Variants in SRCIN1 observed in about 807,000 individuals in gnomAD.
The protein encoded by SRCIN1 is SRC kinase signaling inhibitor 1.
SRCIN1 carries 50 observed loss-of-function variants against 116.2 expected under a neutral mutation model. The ratio of observed to expected loss-of-function variants is 0.43; its 90% CI spans 0.34 to 0.54. SRCIN1 has a LOEUF of 0.54. Ranked by LOEUF, SRCIN1 falls within the 20% of genes least tolerant of loss-of-function variation. The pLI is 0.02. For synonymous variants in SRCIN1, 736 were observed against 750.0 expected, an observed-to-expected ratio of 0.98 and a Z score of 0.30; for missense variants, 1,446 against 1,672.0, an observed-to-expected ratio of 0.86 and a Z score of 2.36.
At chr17:38,586,526 C>T (rs532171588) in intron 1 of SRCIN1, among the ~76,000 whole-genome samples, 4 of 151,700 alleles carry the variant, frequency 2.6e-5, no homozygotes, top group African/African-American at 7.2e-5. Context: ...TGAGTCACCA[C>T]ATGGACTCCC....
intron 4 of SRCIN1, 114 bp downstream of exon 4, chr17:38,564,002 AAG>A (rs1401239536): frequency 2.5e-6 from 3 of 1,212,574 alleles, no homozygotes; most frequent in Non-Finnish European, 2.3e-6. Flanking sequence ...GGCTGTGGGA[AAG>A]AGAGCAGAGC....
At position 38,549,146 on chromosome 17, in the gene SRCIN1, G is replaced by T. The variant is rs1205768991; in HGVS notation, c.3027C>A (p.Pro1009=). The stretch of plus-strand genomic sequence containing the variant: ...CATGGGAGGAGGGGAAGCTCCGGCG[G>T]GGAGGGGGCGGTGGGGGCGACTTGG... ...KPSKSPPPPP[P]RRSFPSSHGL... The change falls in exon 16 of 19, where the codon CCC becomes CCA. Residue 1009 remains proline (P), a synonymous_variant. Coordinates refer to ENST00000617146, the MANE Select transcript of SRCIN1 (RefSeq NM_025248.3). The T allele has an allele frequency of 6.3e-7, 1 of 1,598,162 alleles. No homozygotes were observed. Among genetic ancestry groups the T allele is most frequent in the Non-Finnish European group, 8.5e-7 (1 of 1,173,176 alleles).
rs965414116 is a variant in SRCIN1 at position 38,604,653 on chromosome 17, C to T, written c.22+1031G>A. 5 of 401,472 alleles carry T rather than the reference C, an allele frequency of 1.2e-5. No individual in the cohort carries two copies. Among genetic ancestry groups the T allele is most frequent in the Admixed American group, 2.8e-5 (1 of 36,272 alleles). 24.9% of individuals were successfully genotyped at this position (401,472 alleles called of 1,614,324 possible). Reference sequence around the variant, plus strand: ...GCACCAGCAGCCGCACACGCCCCGCCGGGCCCTGACAGCTGAGCTGCGGAG... The same window carrying T: ...GCACCAGCAGCCGCACACGCCCCGCTGGGCCCTGACAGCTGAGCTGCGGAG... On this transcript the variant is annotated intron_variant, in intron 1 of 18. Coordinates refer to ENST00000617146, the MANE Select transcript of SRCIN1 (RefSeq NM_025248.3). The surrounding 1 kb of genome is among the most constrained non-coding windows in gnomAD (Gnocchi z 4.3).
intron 1 of SRCIN1, among the ~76,000 whole-genome samples, chr17:38,584,473 G>A (rs1908003339): frequency 6.6e-6 from 1 of 152,246 alleles, no homozygotes; most frequent in South Asian, 2.1e-4. Flanking sequence ...TGCCCCGCCT[G>A]GGAAACGCGG....
At chr17:38,579,376 G>A (rs1907643125) in intron 1 of SRCIN1, among the ~76,000 whole-genome samples, 1 of 152,174 alleles carries the variant, frequency 6.6e-6, no homozygotes, top group Non-Finnish European at 1.5e-5. Flanking sequence ...GAGAATGAGG[G>A]CAAAAATCGC....
In SRCIN1 at chr17:38,562,344, C is replaced by A; in HGVS notation, c.835-16G>T. On this transcript the variant is annotated splice_polypyrimidine_tract_variant and intron_variant, in intron 6 of 18. Transcript: ENST00000617146. This position sits in a 1 kb window ranked among gnomAD's most constrained non-coding sequence, Gnocchi z 4.2. Reference sequence around the variant, plus strand: ...CCATCTCTCTCTGCGCAGAAGACAGCCCGGAACCCCACGGGGCTGGTCACC... The same window carrying A: ...CCATCTCTCTCTGCGCAGAAGACAGACCGGAACCCCACGGGGCTGGTCACC... 7.0e-7 allele frequency: 1 copy of A among 1,426,282 alleles called. No individual in the cohort carries two copies. Among genetic ancestry groups the A allele is most frequent in the Non-Finnish European group, 9.1e-7 (1 of 1,104,582 alleles). 88.4% of individuals were successfully genotyped at this position (1,426,282 alleles called of 1,614,324 possible). A position where few individuals can be genotyped will look rare whatever the true frequency, so the allele number is the denominator to read the frequency against.
intron 14 of SRCIN1, 38 bp downstream of exon 14, chr17:38,551,848 T>G: frequency 6.2e-7 from 1 of 1,611,560 alleles, no homozygotes; most frequent in African/African-American, 1.3e-5. Context: ...TGTGTGAACC[T>G]GGCTCATGGC....
At chr17:38,589,163 G>A (rs1188175450) in intron 1 of SRCIN1, among the ~76,000 whole-genome samples, 1 of 152,178 alleles carries the variant, frequency 6.6e-6, no homozygotes, top group Non-Finnish European at 1.5e-5. Flanking sequence ...TGATCCACCT[G>A]CCTCGGCCTC....
chr17:38,564,427 C>T (rs1906545084), intron 3 of SRCIN1, 114 bp from the exon 4 acceptor site: 4 of 1,088,592 alleles, frequency 3.7e-6, no homozygotes, highest in Non-Finnish European at 2.6e-6. Context: ...GACACCCACA[C>T]AGATTACAGA....
At chr17:38,559,384 T>C (rs1906044309) in intron 10 of SRCIN1, 4 of 594,422 alleles carry the variant, frequency 6.7e-6, no homozygotes, top group African/African-American at 2.0e-5. Flanking sequence ...GGTGAGGAAG[T>C]GGAGGTTCAG....
Position 38,562,838 on chromosome 17 carries a change from C to T in SRCIN1, c.823G>A (p.Gly275Arg). The T allele has an allele frequency of 6.2e-7, 1 of 1,613,720 alleles. No homozygotes were observed. The highest frequency in any genetic ancestry group is 1.1e-5 in the South Asian group (1 of 91,034). The change falls in exon 6 of 19, where the codon GGG becomes AGG. Residue 275 changes from glycine (G) to arginine (R), a missense_variant. By Grantham distance (125) the Gly-to-Arg change is moderately radical. Coordinates refer to ENST00000617146, the MANE Select transcript of SRCIN1 (RefSeq NM_025248.3). The surrounding 1 kb of genome is among the most constrained non-coding windows in gnomAD (Gnocchi z 4.2). ...AAFPGSHLTN[G>R]DLRREMVYAS... ...ATGCCCAGCCATACCCGGAGGTCCC[C>T]GTTGGTGAGATGTGAGCCAGGGAAG...
intron 17 of SRCIN1, among the ~76,000 whole-genome samples, chr17:38,546,141 C>T (rs960632846): frequency 1.3e-5 from 2 of 152,210 alleles, no homozygotes; most frequent in Non-Finnish European, 2.9e-5. Context: ...AAGTACCACT[C>T]CCCGATGTGA....
chr17:38,563,222 G>T lies in SRCIN1; in HGVS notation c.740+101C>A. ...CTGGGAGGGGAGGGGAAAGGCTGAGGTCGGGTCAGGAAGGAGCTGGGGAAG... is the reference window on the plus strand; with the variant it reads ...CTGGGAGGGGAGGGGAAAGGCTGAGTTCGGGTCAGGAAGGAGCTGGGGAAG... On this transcript the variant is annotated intron_variant, in intron 5 of 18. Coordinates refer to ENST00000617146, the MANE Select transcript of SRCIN1 (RefSeq NM_025248.3). This position sits in a 1 kb window ranked among gnomAD's most constrained non-coding sequence, Gnocchi z 5.8. 1 of 1,360,328 alleles carries T rather than the reference G, an allele frequency of 7.4e-7. No homozygotes were observed. 84.3% of individuals were successfully genotyped at this position (1,360,328 alleles called of 1,614,324 possible). A position where few individuals can be genotyped will look rare whatever the true frequency, so the allele number is the denominator to read the frequency against.
At position 38,548,475 on chromosome 17, in the gene SRCIN1, T is replaced by C. The variant is rs927356212; in HGVS notation, c.3270+82A>G. 11 of 1,555,050 alleles carry C rather than the reference T, an allele frequency of 7.1e-6. No homozygotes were observed. In the African/African-American group the frequency reaches 1.4e-4, roughly 19 times the overall value. On this transcript the variant is annotated intron_variant, in intron 17 of 18. Transcript: ENST00000617146. ...GCCCGAGAGCCCATCTTCTGCCTCATCCTGTCACCTGGCCTGGGGGGCAGC... is the reference window on the plus strand; with the variant it reads ...GCCCGAGAGCCCATCTTCTGCCTCACCCTGTCACCTGGCCTGGGGGGCAGC...
chr17:38,573,579 C>T (rs1273895787), intron 2 of SRCIN1, among the ~76,000 whole-genome samples: 1 of 152,222 alleles, frequency 6.6e-6, no homozygotes, highest in Non-Finnish European at 1.5e-5. Flanking sequence ...CCCCAGCTCC[C>T]CCAAGCCCCT....
chr17:38,588,073 GGAAGAAGAA>G (rs758640675), intron 1 of SRCIN1, among the ~76,000 whole-genome samples: 22 of 148,150 alleles, frequency 1.5e-4, no homozygotes, highest in Non-Finnish European at 2.7e-4. Flanking sequence ...AAAAAAAAAA[GGAAGAAGAA>G]GAAGAAGCAG....
intron 3 of SRCIN1, 95 bp from the exon 4 acceptor site, chr17:38,564,408 C>T: frequency 7.6e-7 from 1 of 1,319,424 alleles, no homozygotes; most frequent in Non-Finnish European, 1.0e-6. Flanking sequence ...GAAGGTCCTG[C>T]CAGCCAGCGA....
intron 10 of SRCIN1, 101 bp downstream of exon 10, chr17:38,559,484 G>T: frequency 1.6e-6 from 2 of 1,269,778 alleles, no homozygotes; most frequent in East Asian, 2.6e-5. Context: ...TGGAAGCTCT[G>T]GGAAAAGGAT....
At chr17:38,543,552 A>G (rs1164422407) in intron 18 of SRCIN1, among the ~76,000 whole-genome samples, 2 of 152,046 alleles carry the variant, frequency 1.3e-5, no homozygotes, top group Non-Finnish European at 2.9e-5. Flanking sequence ...GCAGCTGGAG[A>G]GTCTTCTCTG....
Sources: gnomAD v4.1 joint callset for allele counts (sites outside exome capture counted in the v4.1 genomes callset) on GRCh38, gnomAD v4.1.1 for gene constraint, Gnocchi (gnomAD v3.1) non-coding constraint, MANE v1.5 for transcripts, NCBI Gene and HGNC (gene_info 2026-07-23, HGNC 2026-07-21) for gene names.